OR8B2: variants seen among roughly 807,000 people sequenced by gnomAD.
The protein encoded by OR8B2 is olfactory receptor 8B2.
For synonymous variants in OR8B2, 98 were observed against 138.2 expected (o/e 0.71, Z 2.04); for missense variants, 304 against 379.6 (o/e 0.80, Z 1.65).
At chr11:124,387,377 T>A (rs1410282829), upstream of OR8B2, among the ~76,000 whole-genome samples, 1 of 152,084 alleles carries the variant, frequency 6.6e-6, no homozygotes, top group Admixed American at 6.5e-5. Flanking sequence ...TCTTCTAGGG[T>A]TTTTATGGTT....
chr11:124,383,221 G>T lies in OR8B2; in HGVS notation c.123C>A (p.Gly41=), dbSNP rs537171546. ...CGAAAAGAGTGATCAAGCCAAGGTTGCCTACCATGGTGACAATGTAGATCA... is the reference window on the plus strand; with the variant it reads ...CGAAAAGAGTGATCAAGCCAAGGTTTCCTACCATGGTGACAATGTAGATCA... ...FLVIYIVTMV[G]NLGLITLFGL... The change falls in exon 2 of 2, where the codon GGC becomes GGA. Residue 41 remains glycine (G), a synonymous_variant. Transcript: ENST00000641451. The T allele has an allele frequency of 2.5e-6, 4 of 1,614,000 alleles. No individual in the cohort carries two copies. The East Asian group carries it at 8.9e-5, about 36-fold the overall frequency.
Position 124,382,993 on chromosome 11 carries a change from T to A in OR8B2, c.351A>T (p.Ser117=), listed in dbSNP as rs760503419. The A allele has an allele frequency of 2.5e-6, 4 of 1,613,408 alleles. No homozygotes were observed. The highest frequency in any genetic ancestry group is 3.4e-6 in the Non-Finnish European group (4 of 1,179,728). Residue 117 remains serine, a synonymous_variant, in exon 2 of 2, where the codon TCA becomes TCT. Coordinates refer to ENST00000641451, the MANE Select transcript of OR8B2 (RefSeq NM_001005468.2). ...TGGCCACATAGCGATCATATGCCAT[T>A]GAAGTCAACATGTAACATTCAGAGA... The part of the protein sequence containing the change: ...FVISECYMLT[S]MAYDRYVAIC...
At chr11:124,394,142 A>G in the OR8B2 span, among the ~76,000 whole-genome samples, 1 of 150,674 alleles carries the variant, frequency 6.6e-6, no homozygotes. Context: ...CACGAGATAT[A>G]CTTAATGCTA....
chr11:124,390,241 G>A, the OR8B2 span, among the ~76,000 whole-genome samples: 910 of 152,242 alleles, frequency 6.0e-3, 6 homozygotes, highest in African/African-American at 0.02. Context: ...AATGCAATGA[G>A]GGGGGATGGA....
In OR8B2 at chr11:124,382,520, A is replaced by G. The variant is rs377684108; in HGVS notation, c.824T>C (p.Val275Ala). ...GSMEQGKVSSVFYTNVVPMLN... is the reference protein window; with the variant it reads ...GSMEQGKVSSAFYTNVVPMLN... ...CATGGGCACCACATTAGTGTAGAAA[A>G]CAGAAGAAACTTTTCCCTGCTCCAT... The change falls in exon 2 of 2, where the codon GTT becomes GCT. Residue 275 changes from valine (V) to alanine (A), a missense_variant. Coordinates refer to ENST00000641451, the MANE Select transcript of OR8B2 (RefSeq NM_001005468.2). The G allele has an allele frequency of 3.1e-6, 5 of 1,613,828 alleles. No individual in the cohort carries two copies. In the African/African-American group the frequency reaches 5.3e-5, roughly 17 times the overall value.
the OR8B2 span, chr11:124,396,561 G>A: frequency 6.2e-7 from 1 of 1,613,464 alleles, no homozygotes; most frequent in African/African-American, 1.3e-5. Context: ...CATAGATCCA[G>A]AAGAATATTT....
the OR8B2 span, chr11:124,397,212 A>C: frequency 4.3e-6 from 7 of 1,609,262 alleles, no homozygotes; most frequent in Non-Finnish European, 5.9e-6. Context: ...ACCGAAAAGA[A>C]TGATCAAGCC....
the OR8B2 span, chr11:124,395,617 A>G: frequency 6.6e-6 from 1 of 152,188 alleles, no homozygotes. Flanking sequence ...TACAGTAGGA[A>G]CTACACGCTT....
chr11:124,391,015 T>G, the OR8B2 span, among the ~76,000 whole-genome samples: 1 of 152,202 alleles, frequency 6.6e-6, no homozygotes, highest in African/African-American at 2.4e-5. Context: ...ATGGAATTAC[T>G]CTGTTCCTTG....
chr11:124,387,314 T>G (rs1380451271), upstream of OR8B2, among the ~76,000 whole-genome samples: 1 of 152,190 alleles, frequency 6.6e-6, no homozygotes, highest in African/African-American at 2.4e-5. Flanking sequence ...TTTGGTGTTT[T>G]AGACATGAAG....
At position 124,382,586 on chromosome 11, in the gene OR8B2, C is replaced by G; in HGVS notation, c.758G>C (p.Gly253Ala). 1 of 1,611,718 alleles carries G rather than the reference C, an allele frequency of 6.2e-7. No homozygotes were observed. Among genetic ancestry groups the G allele is most frequent in the Non-Finnish European group, 8.5e-7 (1 of 1,179,204 alleles). Reference sequence around the variant, plus strand: ...TTTAATATACATGAATGCCGCTGACCCAAAAAACAGAGACAGAGCAATGAC... The same window carrying G: ...TTTAATATACATGAATGCCGCTGACGCAAAAAACAGAGACAGAGCAATGAC... ...SHVIALSLFFGSAAFMYIKYS... is the reference protein window; with the variant it reads ...SHVIALSLFFASAAFMYIKYS... Residue 253 changes from glycine (G) to alanine (A), a missense_variant, in exon 2 of 2, where the codon GGG (glycine) becomes GCG (alanine). By Grantham distance (60) the Gly-to-Ala change is moderately conservative. Coordinates refer to ENST00000641451, the MANE Select transcript of OR8B2 (RefSeq NM_001005468.2).
At chr11:124,393,114 C>A in the OR8B2 span, among the ~76,000 whole-genome samples, 1 of 146,514 alleles carries the variant, frequency 6.8e-6, no homozygotes, top group African/African-American at 2.7e-5. Context: ...AAAATTAATT[C>A]AAGATGGATT....
upstream of OR8B2, among the ~76,000 whole-genome samples, chr11:124,388,827 C>CT (rs145400784): frequency 0.035 from 4,488 of 129,814 alleles, 123 homozygotes; most frequent in South Asian, 0.13. Context: ...GTGTGAAATT[C>CT]TTTTTTTTTT....
chr11:124,386,704 G>C (rs1261967396), upstream of OR8B2, among the ~76,000 whole-genome samples: 1 of 151,888 alleles, frequency 6.6e-6, no homozygotes, highest in African/African-American at 2.4e-5. Flanking sequence ...TGTGAATAGT[G>C]CCGCAGTAAA....
At chr11:124,397,116 G>C in the OR8B2 span, 1 of 1,613,456 alleles carries the variant, frequency 6.2e-7, no homozygotes, top group Non-Finnish European at 8.5e-7. Flanking sequence ...TAGCATTTTG[G>C]GAGTGAAAAC....
the OR8B2 span, chr11:124,396,588 G>A: frequency 2.5e-5 from 41 of 1,612,402 alleles, no homozygotes; most frequent in Middle Eastern, 1.6e-4. Context: ...CATGAATGCC[G>A]CTGACCCAAA....
chr11:124,395,716 C>G, the OR8B2 span: 1 of 152,082 alleles, frequency 6.6e-6, no homozygotes, highest in South Asian at 2.1e-4. Context: ...ATCCTGAGGT[C>G]CACATGTATT....
the OR8B2 span, among the ~76,000 whole-genome samples, chr11:124,392,063 C>T: frequency 2.5e-5 from 3 of 121,340 alleles, no homozygotes; most frequent in Non-Finnish European, 4.9e-5. Flanking sequence ...AATTCAACAA[C>T]CCTTCATGCT....
At chr11:124,397,085 C>G in the OR8B2 span, 4 of 1,613,768 alleles carry the variant, frequency 2.5e-6, no homozygotes, top group Admixed American at 5.0e-5. Context: ...AGATAATATT[C>G]TTTTTTGATA....
Sources: allele counts gnomAD v4.1 joint callset (sites outside exome capture counted in the v4.1 genomes callset), GRCh38; gene constraint gnomAD v4.1.1; transcripts MANE v1.5; gene names NCBI Gene and HGNC (gene_info 2026-07-23, HGNC 2026-07-21).